CLPX: variants seen among roughly 807,000 people sequenced by gnomAD.
CLPX encodes the protein ATP-dependent clpX-like chaperone, mitochondrial.
CLPX carries 34 observed loss-of-function variants against 76.4 expected under a neutral mutation model. The observed-to-expected ratio is 0.45, with a 90% CI of 0.34 to 0.59. The LOEUF (loss-of-function observed/expected upper bound fraction) is 0.59, where lower values mean the gene tolerates loss of function less well. Among genes scored for constraint, CLPX ranks in the 20% least tolerant of loss-of-function variants. The pLI is 0.01. For missense variants in CLPX, 613 were observed against 757.0 expected (o/e 0.81, Z 2.23); for synonymous variants, 248 against 270.9 (o/e 0.92, Z 0.83).
rs371907701 is a variant in CLPX at position 65,162,593 on chromosome 15, A to T, written c.715+11T>A. The T allele has an allele frequency of 6.4e-7, 1 of 1,568,960 alleles. No individual in the cohort carries two copies. The highest frequency in any genetic ancestry group is 8.8e-7 in the Non-Finnish European group (1 of 1,142,578). ...AAGAATGATTACAGAGGAGGACCTG[A>T]AGTCACTTACTTGTAAATCTGTACT... On this transcript the variant is annotated intron_variant, in intron 6 of 13. Transcript: ENST00000300107.
rs1307866357 is a variant in CLPX at position 65,148,701 on chromosome 15, AC to A, written c.*2121del. The stretch of plus-strand genomic sequence containing the variant: ...TAGCTTTAGTTTTTCCCTAAAAAAA[AC>A]TGTGTAAAAGGAAAGCTCGAGTCTA... On this transcript the variant is annotated 3_prime_UTR_variant, in exon 14 of 14. Transcript: ENST00000300107. 1.3e-5 allele frequency: 2 copies of A among 152,040 alleles called. No individual in the cohort carries two copies. The highest frequency in any genetic ancestry group is 1.5e-5 in the Non-Finnish European group (1 of 68,016). 9.4% of individuals were successfully genotyped at this position (152,040 alleles called of 1,614,324 possible). A position where few individuals can be genotyped will look rare whatever the true frequency, so the allele number is the denominator to read the frequency against.
intron 4 of CLPX, among the ~76,000 whole-genome samples, chr15:65,165,462 C>T (rs1566982104): frequency 1.5e-5 from 2 of 135,376 alleles, no homozygotes; most frequent in African/African-American, 2.7e-5. Flanking sequence ...TGGCTCACTG[C>T]AAGCTCCGCC....
chr15:65,184,900 G>A (rs1041075092), intron 1 of CLPX, among the ~76,000 whole-genome samples, 175 bp downstream of exon 1: 4 of 152,266 alleles, frequency 2.6e-5, no homozygotes, highest in African/African-American at 7.2e-5. Flanking sequence ...CTGCTCCAGA[G>A]GTTGGCAGAG....
rs994719368 is a variant in CLPX, at chr15:65,160,892, G to C, written c.715+1712C>G. On this transcript the variant is annotated intron_variant, in intron 6 of 13. Coordinates refer to ENST00000300107, the MANE Select transcript of CLPX (RefSeq NM_006660.5). ...GTGCATCTCTCACTGTGTAAGCACA[G>C]CTCTCTAAAATGAGGACCATGAGCA... Among the ~76,000 whole-genome samples the C allele has an allele frequency of 4.6e-5, 7 of 152,132 alleles. 1 individual carries two copies. The East Asian group carries it at 1.3e-3, about 29-fold the overall frequency.
chr15:65,184,930 T>A, intron 1 of CLPX, 145 bp downstream of exon 1: 1 of 687,832 alleles, frequency 1.5e-6, no homozygotes, highest in Non-Finnish European at 2.6e-6. Context: ...ACGGGGAAAG[T>A]GGTGGGTGCC....
intron 3 of CLPX, among the ~76,000 whole-genome samples, chr15:65,175,819 A>G (rs2088084053): frequency 6.6e-6 from 1 of 152,258 alleles, no homozygotes; most frequent in African/African-American, 2.4e-5. Flanking sequence ...ACTTTTAATG[A>G]TCAGACACAG....
At chr15:65,160,477 G>T (rs1231221190) in intron 6 of CLPX, among the ~76,000 whole-genome samples, 4 of 152,048 alleles carry the variant, frequency 2.6e-5, no homozygotes, top group African/African-American at 9.7e-5. Flanking sequence ...ATCTGGTTAG[G>T]GATTGTGATA....
At chr15:65,160,877 C>CA (rs1276529650) in intron 6 of CLPX, among the ~76,000 whole-genome samples, 2 of 152,164 alleles carry the variant, frequency 1.3e-5, no homozygotes, top group Non-Finnish European at 2.9e-5. Context: ...GTGCATCTCT[C>CA]ACTGTGTAAG....
At chr15:65,168,994 A>G (rs1390418372) in intron 3 of CLPX, among the ~76,000 whole-genome samples, 2 of 149,604 alleles carry the variant, frequency 1.3e-5, no homozygotes, top group Non-Finnish European at 3.0e-5. Flanking sequence ...AGTATCCAGG[A>G]CTACAGGCAC....
chr15:65,178,841 T>G (rs549520790), intron 3 of CLPX, 93 bp downstream of exon 3: 1 of 699,772 alleles, frequency 1.4e-6, no homozygotes, highest in Non-Finnish European at 2.3e-6. Flanking sequence ...CTGGCCTATA[T>G]TTATACATTT....
chr15:65,158,466 G>A (rs928776930), intron 7 of CLPX, 109 bp downstream of exon 7: 2 of 906,412 alleles, frequency 2.2e-6, no homozygotes, highest in African/African-American at 3.4e-5. Context: ...ACTGGCCTTA[G>A]ATTTTCTTCT....
intron 3 of CLPX, among the ~76,000 whole-genome samples, chr15:65,168,254 G>T (rs2140633529): frequency 6.6e-6 from 1 of 150,584 alleles, no homozygotes; most frequent in East Asian, 2.0e-4. Context: ...TGTGGTGGTG[G>T]GCGCCTGTAG....
chr15:65,176,887 G>A (rs1437557554), intron 3 of CLPX, among the ~76,000 whole-genome samples: 2 of 151,674 alleles, frequency 1.3e-5, no homozygotes, highest in Non-Finnish European at 1.5e-5. Flanking sequence ...AAGCCACCGC[G>A]CCTGGCAACA....
chr15:65,179,017 C>T lies in CLPX; in HGVS notation c.275G>A (p.Gly92Asp), dbSNP rs1566986903. The T allele has an allele frequency of 6.2e-7, 1 of 1,611,780 alleles. No individual in the cohort carries two copies. Among genetic ancestry groups the T allele is most frequent in the East Asian group, 2.2e-5 (1 of 44,850 alleles). Residue 92 changes from glycine to aspartate, a missense_variant, in exon 3 of 14, where the codon GGC becomes GAC. Around this residue, in one of 2 missense-constraint regions of CLPX, gnomAD observed 163 missense variants for 118.4 expected, o/e 1.38. Coordinates refer to ENST00000300107, the MANE Select transcript of CLPX (RefSeq NM_006660.5). The stretch of plus-strand genomic sequence containing the variant: ...TCCACCTTTCCCAGAATTCCCAGAG[C>T]CTGATTTCTTACTACTTCCCTCACT... ...SASEGSSKKSGSGNSGKGGNQ... is the reference protein window; with the variant it reads ...SASEGSSKKSDSGNSGKGGNQ...
chr15:65,180,266 A>G (rs1277840208), intron 1 of CLPX, 62 bp from the exon 2 acceptor site: 1 of 1,328,574 alleles, frequency 7.5e-7, no homozygotes, highest in Non-Finnish European at 1.0e-6. Flanking sequence ...CCTGGAAACA[A>G]AAATTCCTTG....
chr15:65,157,197 T>G (rs1329739589), intron 8 of CLPX, among the ~76,000 whole-genome samples: 1 of 152,232 alleles, frequency 6.6e-6, no homozygotes, highest in African/African-American at 2.4e-5. Context: ...CTAATGTATA[T>G]GAATTCTTTA....
chr15:65,162,139 T>C (rs949989242), intron 6 of CLPX, among the ~76,000 whole-genome samples: 5 of 152,162 alleles, frequency 3.3e-5, no homozygotes, highest in Admixed American at 2.6e-4. Flanking sequence ...CCACTCTCCT[T>C]GGTCTATCAA....
At chr15:65,165,509 G>A (rs1206105515) in intron 4 of CLPX, among the ~76,000 whole-genome samples, 9 of 149,100 alleles carry the variant, frequency 6.0e-5, no homozygotes, top group African/African-American at 2.0e-4. Flanking sequence ...TCAGCCTCCC[G>A]AGTAGCCAGG....
chr15:65,166,176 C>G (rs1221213329), intron 4 of CLPX, among the ~76,000 whole-genome samples: 10 of 152,094 alleles, frequency 6.6e-5, no homozygotes. Context: ...TATGAAAAAA[C>G]TACTTACTTA....
Sources: gnomAD v4.1 joint callset for allele counts (sites outside exome capture counted in the v4.1 genomes callset) on GRCh38, gnomAD v4.1.1 for gene constraint, gnomAD v4.1.1 regional missense constraint, MANE v1.5 for transcripts, NCBI Gene and HGNC (gene_info 2026-07-23, HGNC 2026-07-21) for gene names.